DNAH11: variants seen among roughly 807,000 people sequenced by gnomAD.
DNAH11 encodes the protein axonemal beta dynein heavy chain 11.
Under a neutral mutation model 526.0 loss-of-function variants are expected in DNAH11, and 442 were observed. The ratio of observed to expected loss-of-function variants is 0.84; its 90% CI spans 0.78 to 0.91. DNAH11 has a LOEUF of 0.91. DNAH11 is among the 40% of genes least tolerant of loss of function. The pLI is 0.00. For missense variants in DNAH11, 6,989 were observed against 5,448.7 expected, an observed-to-expected ratio of 1.28 and a Z score of -8.90; for synonymous variants, 2,461 against 1,935.9, an observed-to-expected ratio of 1.27 and a Z score of -7.12.
chr7:21,683,844 C>G lies in DNAH11; in HGVS notation c.5521C>G (p.Gln1841Glu). 6.2e-7 allele frequency: 1 copy of G among 1,613,428 alleles called. No individual in the cohort carries two copies. Among genetic ancestry groups the G allele is most frequent in the Non-Finnish European group, 8.5e-7 (1 of 1,179,598 alleles). ...SQLRHRWEDTQKHCFVNICDA... is the reference protein window; with the variant it reads ...SQLRHRWEDTEKHCFVNICDA... ...ACTTCGTCACCGATGGGAGGATACC[C>G]AGAAACACTGCTTTGTTAATATTTG... is the stretch of plus-strand genomic sequence containing the variant. The change falls in exon 32 of 82, where the codon CAG (glutamine) becomes GAG (glutamate). Residue 1841 changes from glutamine (Q) to glutamate (E), a missense_variant. Transcript: ENST00000409508.
At chr7:21,610,436 G>C (rs1239282247) in intron 20 of DNAH11, among the ~76,000 whole-genome samples, 2 of 151,982 alleles carry the variant, frequency 1.3e-5, no homozygotes, top group Non-Finnish European at 2.9e-5. Context: ...AATCATCTCT[G>C]GAAAAAAGCA....
Position 21,900,095 on chromosome 7 carries a change from A to G in DNAH11, c.13278A>G (p.Ala4426=), listed in dbSNP as rs773266815. The part of the protein sequence containing the change: ...EDYGHPPREG[A]YLHGLFMEGA... ...ATGGACACCCGCCAAGGGAAGGTGC[A>G]TACCTCCACGGACTCTTCATGGAGG... is the stretch of plus-strand genomic sequence containing the variant. Residue 4426 remains alanine, a synonymous_variant, in exon 81 of 82, where the codon GCA becomes GCG. Transcript: ENST00000409508. 8 of 1,613,866 alleles carry G rather than the reference A, an allele frequency of 5.0e-6. No individual in the cohort carries two copies. The Admixed American group carries it at 1.2e-4, about 24-fold the overall frequency.
chr7:21,621,361 A>AG (rs1485122619), intron 25 of DNAH11, among the ~76,000 whole-genome samples: 1 of 152,200 alleles, frequency 6.6e-6, no homozygotes, highest in Non-Finnish European at 1.5e-5. Context: ...GTCCAGGACC[A>AG]GATGGATTCA....
chr7:21,730,670 G>A (rs1252113883), intron 45 of DNAH11, among the ~76,000 whole-genome samples: 1 of 152,220 alleles, frequency 6.6e-6, no homozygotes. Flanking sequence ...GAGTGGAATG[G>A]TGGCTACCAG....
chr7:21,711,633 G>T, intron 41 of DNAH11, 79 bp from the exon 42 acceptor site: 1 of 1,539,640 alleles, frequency 6.5e-7, no homozygotes, highest in South Asian at 1.3e-5. Context: ...GATACTTCTG[G>T]TAGGGGAAAG....
chr7:21,740,720 A>G (rs1785843119), intron 48 of DNAH11, among the ~76,000 whole-genome samples: 1 of 152,188 alleles, frequency 6.6e-6, no homozygotes, highest in South Asian at 2.1e-4. Context: ...CCTGCTTTTA[A>G]TTCTTTGGGG....
intron 54 of DNAH11, among the ~76,000 whole-genome samples, chr7:21,762,151 G>A (rs1251357190): frequency 6.6e-6 from 1 of 152,090 alleles, no homozygotes; most frequent in Admixed American, 6.5e-5. Flanking sequence ...TCCCTCCCTC[G>A]ACACATGAGG....
intron 25 of DNAH11, among the ~76,000 whole-genome samples, chr7:21,632,502 T>G (rs1395578172): frequency 6.6e-6 from 1 of 152,164 alleles, no homozygotes; most frequent in East Asian, 1.9e-4. Flanking sequence ...TCTCGAATGC[T>G]TTGTTGCTTA....
chr7:21,873,580 G>A, intron 74 of DNAH11, 79 bp downstream of exon 74: 6 of 1,395,382 alleles, frequency 4.3e-6, no homozygotes, highest in Non-Finnish European at 6.0e-6. Context: ...ATCAACCCAG[G>A]CATGTCATTG....
Position 21,683,898 on chromosome 7 carries a change from T to C in DNAH11, c.5575T>C (p.Tyr1859His). The change falls in exon 32 of 82, where the codon TAC becomes CAC. Residue 1859 changes from tyrosine (Y) to histidine (H), a missense_variant. By Grantham distance (83) the Tyr-to-His change is moderately conservative (BLOSUM62 2). Coordinates refer to ENST00000409508, the MANE Select transcript of DNAH11 (RefSeq NM_001277115.2). Reference sequence around the variant, plus strand: ...TGCCCAGTTCCAGTACTTCTATGAATACTTAGGAAACAGCCCTCGACTAGT... The same window carrying C: ...TGCCCAGTTCCAGTACTTCTATGAACACTTAGGAAACAGCCCTCGACTAGT... ...CDAQFQYFYE[Y>H]LGNSPRLVIT... 1 of 1,613,816 alleles carries C rather than the reference T, an allele frequency of 6.2e-7. No individual in the cohort carries two copies. Among genetic ancestry groups the C allele is most frequent in the Non-Finnish European group, 8.5e-7 (1 of 1,179,764 alleles).
intron 61 of DNAH11, among the ~76,000 whole-genome samples, chr7:21,791,792 G>GCAGT (rs1276483701): frequency 6.6e-6 from 1 of 152,122 alleles, no homozygotes; most frequent in Non-Finnish European, 1.5e-5. Context: ...TAAGTGTGCC[G>GCAGT]CAGTCATGAC....
At chr7:21,612,292 A>G (rs1311634361) in intron 20 of DNAH11, among the ~76,000 whole-genome samples, 1 of 152,158 alleles carries the variant, frequency 6.6e-6, no homozygotes, top group African/African-American at 2.4e-5. Flanking sequence ...ATGGTGGCTC[A>G]CGCCTGTAAT....
At chr7:21,791,310 C>G (rs1374839117) in intron 61 of DNAH11, among the ~76,000 whole-genome samples, 3 of 152,206 alleles carry the variant, frequency 2.0e-5, no homozygotes, top group Non-Finnish European at 4.4e-5. Context: ...GTGAAAACAG[C>G]TTGATTTTCT....
Position 21,707,730 on chromosome 7 carries a change from A to G in DNAH11, c.6578A>G (p.Asn2193Ser), listed in dbSNP as rs770924709. ...AGAACACTGAACCGAACATATGTTA[A>G]CATGAAACAGAAGCCGGTTTGGAAT... ...ILRTLNRTYV[N>S]MKQKPVWNDL... The change falls in exon 40 of 82, where the codon AAC becomes AGC. Residue 2193 changes from asparagine to serine, a missense_variant. Asn to Ser is a conservative substitution (Grantham distance 46). Coordinates refer to ENST00000409508, the MANE Select transcript of DNAH11 (RefSeq NM_001277115.2). The G allele has an allele frequency of 6.2e-7, 1 of 1,613,560 alleles. No individual in the cohort carries two copies. Among genetic ancestry groups the G allele is most frequent in the South Asian group, 1.1e-5 (1 of 91,008 alleles).
intron 56 of DNAH11, among the ~76,000 whole-genome samples, chr7:21,776,672 A>T (rs1320359040): frequency 6.6e-6 from 1 of 152,206 alleles, no homozygotes; most frequent in Non-Finnish European, 1.5e-5. Flanking sequence ...AATATTTCAG[A>T]GCTAACAGCT....
intron 2 of DNAH11, among the ~76,000 whole-genome samples, chr7:21,551,780 G>C (rs1316905272): frequency 6.6e-6 from 1 of 152,204 alleles, no homozygotes; most frequent in Non-Finnish European, 1.5e-5. Flanking sequence ...TATCTAAGCA[G>C]TTCTGGTCTG....
intron 4 of DNAH11, 132 bp downstream of exon 4, chr7:21,559,924 G>C: frequency 1.3e-6 from 1 of 770,580 alleles, no homozygotes; most frequent in South Asian, 2.1e-5. Context: ...TTAATCCAGA[G>C]TTCTGTGTGT....
At chr7:21,630,481 A>G (rs1354378269) in intron 25 of DNAH11, among the ~76,000 whole-genome samples, 1 of 152,068 alleles carries the variant, frequency 6.6e-6, no homozygotes, top group African/African-American at 2.4e-5. Flanking sequence ...TTCCTTTAGC[A>G]TTTTTTGTAA....
chr7:21,874,700 T>C (rs1301371927), intron 74 of DNAH11, among the ~76,000 whole-genome samples: 1 of 151,834 alleles, frequency 6.6e-6, no homozygotes, highest in Non-Finnish European at 1.5e-5. Context: ...TATATACACA[T>C]ATATATGATA....
Sources: gnomAD v4.1 joint callset for allele counts (sites outside exome capture counted in the v4.1 genomes callset) on GRCh38, gnomAD v4.1.1 for gene constraint, MANE v1.5 for transcripts, NCBI Gene and HGNC (gene_info 2026-07-23, HGNC 2026-07-21) for gene names.